The following RANBP3 variants were observed in gnomAD, a reference collection of about 807,000 sequenced individuals.
The protein encoded by RANBP3 is ran-binding protein 3.
RANBP3 carries 14 observed loss-of-function variants against 77.3 expected under a neutral mutation model. The observed-to-expected ratio is 0.18, with a 90% CI of 0.12 to 0.28. The LOEUF is 0.28. RANBP3 is among the 10% of genes least tolerant of loss of function. RANBP3 has a pLI of 1.00. For missense variants in RANBP3, 586 were observed against 752.3 expected (o/e 0.78, Z 2.59); for synonymous variants, 315 against 312.4 (o/e 1.01, Z -0.09).
intron 5 of RANBP3, among the ~76,000 whole-genome samples, chr19:5,937,918 G>A (rs1339165381): frequency 6.6e-6 from 1 of 152,142 alleles, no homozygotes; most frequent in Non-Finnish European, 1.5e-5. Flanking sequence ...ATCACCTAAA[G>A]CAGAACCTGC....
chr19:5,942,988 C>T (rs2058158755), intron 3 of RANBP3, among the ~76,000 whole-genome samples: 1 of 152,154 alleles, frequency 6.6e-6, no homozygotes, highest in East Asian at 1.9e-4. Context: ...GACCATGCCA[C>T]TGCACCCCAG....
chr19:5,940,039 T>C (rs1161644271), intron 5 of RANBP3, among the ~76,000 whole-genome samples: 1 of 152,166 alleles, frequency 6.6e-6, no homozygotes, highest in Non-Finnish European at 1.5e-5. Context: ...TTTCCACAAA[T>C]GAAGTGGAAT....
intron 3 of RANBP3, among the ~76,000 whole-genome samples, chr19:5,948,919 G>A (rs1054870076): frequency 2.6e-5 from 4 of 152,292 alleles, no homozygotes; most frequent in Non-Finnish European, 4.4e-5. Context: ...GAACTTAATC[G>A]GGATGTGGTT....
At chr19:5,930,849 G>T (rs759014777) in intron 8 of RANBP3, among the ~76,000 whole-genome samples, 5 of 152,204 alleles carry the variant, frequency 3.3e-5, no homozygotes, top group Non-Finnish European at 7.3e-5. Context: ...GATTGCAGGT[G>T]TGAGCTACCG....
chr19:5,961,871 C>T (rs1232626312), intron 1 of RANBP3, among the ~76,000 whole-genome samples: 5 of 151,956 alleles, frequency 3.3e-5, no homozygotes, highest in Non-Finnish European at 7.4e-5. Context: ...AGCCCGCTGT[C>T]GCTGCACGTC....
intron 1 of RANBP3, among the ~76,000 whole-genome samples, chr19:5,977,225 G>A (rs1004828651): frequency 6.6e-6 from 1 of 152,054 alleles, no homozygotes; most frequent in Non-Finnish European, 1.5e-5. Flanking sequence ...CTAAAAATAG[G>A]CCTCAGAAGT....
At chr19:5,945,671 T>G (rs902592563) in intron 3 of RANBP3, among the ~76,000 whole-genome samples, 5 of 152,134 alleles carry the variant, frequency 3.3e-5, no homozygotes, top group Non-Finnish European at 7.4e-5. Context: ...CTCGACTATT[T>G]CTCCCTTCAG....
Position 5,958,941 on chromosome 19 carries a change from G to A in RANBP3, c.23-968C>T, listed in dbSNP as rs1218196265. On this transcript the variant is annotated intron_variant, in intron 1 of 16. Transcript: ENST00000340578. This position sits in a 1 kb window ranked among gnomAD's most constrained non-coding sequence, Gnocchi z 4.4. ...TGCCTCCGCGTTGAGCAGGGTTTGG[G>A]AAGAGCCCTGCCTTCGCAGGCCCCC... Among the ~76,000 whole-genome samples, 1 of 152,254 alleles carries A rather than the reference G, an allele frequency of 6.6e-6. No homozygotes were observed. Among genetic ancestry groups the A allele is most frequent in the Non-Finnish European group, 1.5e-5 (1 of 68,042 alleles).
At chr19:5,966,286 C>T (rs1021653728) in intron 1 of RANBP3, among the ~76,000 whole-genome samples, 2 of 152,174 alleles carry the variant, frequency 1.3e-5, no homozygotes, top group African/African-American at 4.8e-5. Context: ...AGGCTTCCCA[C>T]AGGTCACATG....
At position 5,941,923 on chromosome 19, in the gene RANBP3, A is replaced by G. The variant is rs1677981657; in HGVS notation, c.283-88T>C. On this transcript the variant is annotated intron_variant, in intron 3 of 16. Transcript: ENST00000340578. ...TCGGGGCCGTAACAAATATCCCAAC[A>G]TGCACCACGGGCAGCTAGTTCCCAG... is the stretch of plus-strand genomic sequence containing the variant. 4.8e-6 allele frequency: 7 copies of G among 1,455,372 alleles called. No homozygotes were observed. The Admixed American group carries it at 6.8e-5, about 14-fold the overall frequency. The allele number at this position is 1,455,372 out of a possible 1,614,324, so 90.2% of individuals were successfully genotyped here.
At chr19:5,957,555 C>T (rs1599779089) in intron 2 of RANBP3, among the ~76,000 whole-genome samples, 1 of 145,946 alleles carries the variant, frequency 6.9e-6, no homozygotes, top group Non-Finnish European at 1.5e-5. Flanking sequence ...TCCCTGACTC[C>T]CTCCCCACCT....
At position 5,951,399 on chromosome 19, in the gene RANBP3, C is replaced by CA; in HGVS notation, c.275dup (p.Ala93GlyfsTer11). On this transcript the variant is annotated frameshift_variant, in exon 3 of 17. Coordinates refer to ENST00000340578, the MANE Select transcript of RANBP3 (RefSeq NM_007322.3). LOFTEE classifies it high-confidence loss of function. ...CGGGTAGGTGTGGACTTACCCCTGC[C>CA]AGTTCTCGCGGAAAAGGAGGAAGCT... The CA allele has an allele frequency of 6.4e-7, 1 of 1,555,936 alleles. No individual in the cohort carries two copies. The highest frequency in any genetic ancestry group is 8.7e-7 in the Non-Finnish European group (1 of 1,149,282).
chr19:5,941,950 GC>G (rs2058143259), intron 3 of RANBP3, 115 bp from the exon 4 acceptor site: 1 of 1,182,324 alleles, frequency 8.5e-7, no homozygotes, highest in Non-Finnish European at 1.2e-6. Context: ...AGTTCCCAGA[GC>G]CCAGCACCCG....
chr19:5,968,497 T>C (rs917119037), intron 1 of RANBP3, among the ~76,000 whole-genome samples: 1 of 152,226 alleles, frequency 6.6e-6, no homozygotes, highest in Non-Finnish European at 1.5e-5. Context: ...CTGGCACTGG[T>C]AGCATTATTA....
chr19:5,936,647 G>A (rs761027181), intron 5 of RANBP3, among the ~76,000 whole-genome samples: 1 of 152,196 alleles, frequency 6.6e-6, no homozygotes, highest in Non-Finnish European at 1.5e-5. Context: ...AGGCTGAGCC[G>A]GGAGGCTCTT....
At chr19:5,928,113 G>A in intron 8 of RANBP3, 26 bp from the exon 9 acceptor site, 2 of 1,602,664 alleles carry the variant, frequency 1.2e-6, no homozygotes, top group Non-Finnish European at 1.7e-6. Context: ...ACAAAACAGA[G>A]TAATCAAAAC....
intron 14 of RANBP3, 63 bp from the exon 15 acceptor site, chr19:5,918,701 C>G: frequency 6.3e-7 from 1 of 1,582,778 alleles, no homozygotes; most frequent in Admixed American, 1.7e-5. Context: ...ACAGCCAGCT[C>G]CAAGAGCCAA....
intron 1 of RANBP3, among the ~76,000 whole-genome samples, chr19:5,972,964 G>A (rs1599807297): frequency 6.6e-6 from 1 of 152,306 alleles, no homozygotes; most frequent in Middle Eastern, 3.4e-3. Flanking sequence ...CAGAAGCCCA[G>A]TGAGGGCTTT....
intron 3 of RANBP3, among the ~76,000 whole-genome samples, chr19:5,949,511 A>G (rs1436727242): frequency 6.6e-6 from 1 of 152,194 alleles, no homozygotes. Flanking sequence ...TGGGTGTCCA[A>G]AAGTTACGAG....
Sources: gnomAD v4.1 joint callset for allele counts (sites outside exome capture counted in the v4.1 genomes callset) on GRCh38, gnomAD v4.1.1 for gene constraint, Gnocchi (gnomAD v3.1) non-coding constraint, MANE v1.5 for transcripts, NCBI Gene and HGNC (gene_info 2026-07-23, HGNC 2026-07-21) for gene names.